The following MAP3K1 variants were observed in gnomAD, a reference collection of about 807,000 sequenced individuals.
MAP3K1 encodes mitogen-activated protein kinase kinase kinase 1.
A neutral mutation model predicts 144.2 loss-of-function variants in MAP3K1; 36 were observed. The ratio of observed to expected loss-of-function variants is 0.25; its 90% confidence interval spans 0.19 to 0.33. MAP3K1 has a LOEUF of 0.33. Among genes scored for constraint, MAP3K1 ranks in the 10% least tolerant of loss-of-function variants. MAP3K1 has a pLI of 1.00. For missense variants in MAP3K1, 1,650 were observed against 1,881.9 expected (o/e 0.88, Z 2.28); for synonymous variants, 718 against 688.7 (o/e 1.04, Z -0.67).
chr5:56,853,800 A>G lies in MAP3K1; in HGVS notation c.483-2800A>G, dbSNP rs549186480. 1.1e-4 allele frequency among the ~76,000 whole-genome samples: 16 copies of G among 152,258 alleles called. No individual in the cohort carries two copies. In the South Asian group the frequency reaches 2.3e-3, roughly 22 times the overall value. On this transcript the variant is annotated intron_variant, in intron 1 of 19. Transcript: ENST00000399503. ...TCTTGGGGTTATTGAGGCAGTGAAG[A>G]AGGGGGGTTGCAGGTCTGATGACAG...
intron 13 of MAP3K1, 110 bp downstream of exon 13, chr5:56,881,382 C>A: frequency 1.9e-6 from 2 of 1,044,492 alleles, no homozygotes; most frequent in African/African-American, 1.6e-5. Context: ...GAATAGGTTG[C>A]TGATACCTTA....
chr5:56,839,703 C>T (rs1746754195), intron 1 of MAP3K1, among the ~76,000 whole-genome samples: 1 of 152,108 alleles, frequency 6.6e-6, no homozygotes, highest in Admixed American at 6.5e-5. Flanking sequence ...CTGGTTTCCC[C>T]CTGACACCCC....
In MAP3K1 at chr5:56,881,787, G is replaced by T. The variant is rs762660814; in HGVS notation, c.2587G>T (p.Val863Leu). The T allele has an allele frequency of 6.8e-6, 11 of 1,613,994 alleles. No individual in the cohort carries two copies. The Admixed American group carries it at 1.8e-4, about 27-fold the overall frequency. The change falls in exon 14 of 20, where the codon GTG (valine) becomes TTG (leucine). Residue 863 changes from valine (V) to leucine (L), a missense_variant. Coordinates refer to ENST00000399503, the MANE Select transcript of MAP3K1 (RefSeq NM_005921.2). ...RRRLMAIADE[V>L]EIAEAIQLGV... ...CCGTTTGATGGCTATTGCAGATGAG[G>T]TGGAAATTGCCGAAGCCATCCAGTT...
intron 3 of MAP3K1, among the ~76,000 whole-genome samples, chr5:56,860,645 G>T (rs191547675): frequency 6.6e-6 from 1 of 152,250 alleles, no homozygotes; most frequent in East Asian, 1.9e-4. Context: ...CTGAGGTCAG[G>T]AGTTCGAGAC....
chr5:56,819,085 T>C (rs187105995), intron 1 of MAP3K1, among the ~76,000 whole-genome samples: 3 of 152,216 alleles, frequency 2.0e-5, no homozygotes, highest in Admixed American at 2.0e-4. Context: ...GTCAGTTTCA[T>C]TTTAAATCAG....
In MAP3K1 at chr5:56,849,583, T is replaced by C. The variant is rs142014698; in HGVS notation, c.483-7017T>C. ...TACATTGTTACTTCTTATGTAAACC[T>C]ACCTATGTTATAAATGTTGTATCAT... On this transcript the variant is annotated intron_variant, in intron 1 of 19. Coordinates refer to ENST00000399503, the MANE Select transcript of MAP3K1 (RefSeq NM_005921.2). Among the ~76,000 whole-genome samples the C allele has an allele frequency of 9.6e-4, 146 of 152,350 alleles. 1 individual carries two copies. The highest frequency in any genetic ancestry group is 1.6e-3 in the Non-Finnish European group (111 of 68,028).
chr5:56,848,433 TACTCTG>T (rs1262745288), intron 1 of MAP3K1, among the ~76,000 whole-genome samples: 1 of 152,202 alleles, frequency 6.6e-6, no homozygotes, highest in Non-Finnish European at 1.5e-5. Flanking sequence ...GATAATCAGC[TACTCTG>T]ACTCTGAATC....
rs1243793824 is a variant in MAP3K1 at position 56,815,815 on chromosome 5, C to T, written c.242C>T (p.Ala81Val). The T allele has an allele frequency of 3.5e-6, 5 of 1,422,296 alleles. No homozygotes were observed. The highest frequency in any genetic ancestry group is 4.6e-6 in the Non-Finnish European group (5 of 1,084,946). 88.1% of individuals were successfully genotyped at this position (1,422,296 alleles called of 1,614,324 possible). The change falls in exon 1 of 20, where the codon GCC becomes GTC. Residue 81 changes from alanine to valine, a missense_variant. Around this residue, in one of 6 missense-constraint regions of MAP3K1, gnomAD observed 360 missense variants for 274.7 expected, o/e 1.31. Transcript: ENST00000399503. The stretch of plus-strand genomic sequence containing the variant: ...CTGCCTGAGCAGCCGCTCTTCCTTG[C>T]CGCCTCACCGCCGGCCTCCTCGACT... ...DQLPEQPLFL[A>V]ASPPASSTSP...
intron 1 of MAP3K1, among the ~76,000 whole-genome samples, chr5:56,825,716 A>T (rs1746291758): frequency 6.6e-6 from 1 of 152,102 alleles, no homozygotes; most frequent in African/African-American, 2.4e-5. Context: ...AGTTCTTGTT[A>T]TTGCCACTCT....
intron 1 of MAP3K1, among the ~76,000 whole-genome samples, chr5:56,847,316 G>T (rs1307822621): frequency 6.6e-6 from 1 of 152,228 alleles, no homozygotes; most frequent in Non-Finnish European, 1.5e-5. Flanking sequence ...AAAAGACTTG[G>T]TCGGGCGTGG....
intron 15 of MAP3K1, among the ~76,000 whole-genome samples, chr5:56,884,405 G>C (rs766499363): frequency 5.3e-5 from 8 of 151,978 alleles, no homozygotes; most frequent in Non-Finnish European, 7.4e-5. Context: ...CCATATTTGG[G>C]CTTTTCTCAT....
Position 56,881,900 on chromosome 5 carries a change from T to A in MAP3K1, c.2700T>A (p.Ser900Arg), listed in dbSNP as rs1748221824. ...PNNYLETTEN[S>R]SPECTVHLEK... ...ACTATCTGGAAACCACAGAGAACAGTTCCCCTGAGTGCACAGTCCATTTAG... is the reference window on the plus strand; with the variant it reads ...ACTATCTGGAAACCACAGAGAACAGATCCCCTGAGTGCACAGTCCATTTAG... The change falls in exon 14 of 20, where the codon AGT (serine) becomes AGA (arginine). Residue 900 changes from serine (S) to arginine (R), a missense_variant. Coordinates refer to ENST00000399503, the MANE Select transcript of MAP3K1 (RefSeq NM_005921.2). The A allele has an allele frequency of 6.2e-7, 1 of 1,614,008 alleles. No homozygotes were observed.
At chr5:56,860,011 T>C in intron 3 of MAP3K1, 96 bp downstream of exon 3, 2 of 1,126,856 alleles carry the variant, frequency 1.8e-6, no homozygotes, top group Non-Finnish European at 2.6e-6. Flanking sequence ...AGAACATCAG[T>C]TTTCAAAATA....
intron 1 of MAP3K1, among the ~76,000 whole-genome samples, chr5:56,843,083 A>G (rs1289899161): frequency 6.6e-6 from 1 of 152,166 alleles, no homozygotes; most frequent in Non-Finnish European, 1.5e-5. Context: ...ACGTTTCCTC[A>G]TGTGACCCCA....
intron 1 of MAP3K1, among the ~76,000 whole-genome samples, chr5:56,818,036 ATC>A (rs1229003046): frequency 6.6e-6 from 1 of 152,200 alleles, no homozygotes; most frequent in Non-Finnish European, 1.5e-5. Context: ...TGTAAGGATA[ATC>A]TTTTTTAAAG....
In MAP3K1 at chr5:56,882,628, G is replaced by C; in HGVS notation, c.3428G>C (p.Ser1143Thr). The change falls in exon 14 of 20, where the codon AGT becomes ACT. Residue 1143 changes from serine to threonine, a missense_variant. By Grantham distance (58) the Ser-to-Thr change is moderately conservative. Transcript: ENST00000399503. ...CTTCTTGAAGCATCTATGCCTTCAA[G>C]TGATACAACAGTAACTTTTAAGTCA... is the stretch of plus-strand genomic sequence containing the variant. ...EDLLEASMPS[S>T]DTTVTFKSEV... The C allele has an allele frequency of 6.2e-7, 1 of 1,614,126 alleles. No homozygotes were observed. Among genetic ancestry groups the C allele is most frequent in the African/African-American group, 1.3e-5 (1 of 75,038 alleles).
intron 10 of MAP3K1, 107 bp downstream of exon 10, chr5:56,875,417 A>C: frequency 8.4e-7 from 1 of 1,193,950 alleles, no homozygotes. Context: ...TAATTTTGGA[A>C]AATCCAAATT....
chr5:56,888,607 C>G (rs1460802440), intron 19 of MAP3K1, among the ~76,000 whole-genome samples: 1 of 152,180 alleles, frequency 6.6e-6, no homozygotes, highest in Non-Finnish European at 1.5e-5. Context: ...CTATGATACA[C>G]TGGTGATGCT....
At chr5:56,822,361 G>A (rs1193666966) in intron 1 of MAP3K1, among the ~76,000 whole-genome samples, 1 of 152,210 alleles carries the variant, frequency 6.6e-6, no homozygotes, top group Non-Finnish European at 1.5e-5. Context: ...TTGGCATTTA[G>A]CAAGCAGTCA....
Sources: allele counts gnomAD v4.1 joint callset (sites outside exome capture counted in the v4.1 genomes callset), GRCh38; gene constraint gnomAD v4.1.1; regional missense constraint gnomAD v4.1.1; transcripts MANE v1.5; gene names NCBI Gene and HGNC (gene_info 2026-07-23, HGNC 2026-07-21).